DOCK9: variants seen among roughly 807,000 people sequenced by gnomAD.
DOCK9 encodes dedicator of cytokinesis protein 9.
DOCK9 carries 89 observed loss-of-function variants against 263.3 expected under a neutral mutation model. The observed-to-expected ratio is 0.34, with a 90% confidence interval of 0.28 to 0.40. The LOEUF is 0.40. DOCK9 is among the 10% of genes least tolerant of loss of function. DOCK9 has a pLI of 1.00. For missense variants in DOCK9, 2,140 were observed against 2,603.4 expected (o/e 0.82, Z 3.87); for synonymous variants, 976 against 973.1 (o/e 1.00, Z -0.06).
At chr13:99,045,889 G>A (rs1888945780) in intron 1 of DOCK9, among the ~76,000 whole-genome samples, 2 of 150,860 alleles carry the variant, frequency 1.3e-5, no homozygotes, top group African/African-American at 4.9e-5. Flanking sequence ...TCAGGAGATT[G>A]AGACTATTCT....
chr13:98,971,543 TA>T (rs1381940395), intron 1 of DOCK9, among the ~76,000 whole-genome samples: 7 of 83,336 alleles, frequency 8.4e-5, no homozygotes, highest in Non-Finnish European at 1.4e-4. Flanking sequence ...CCATCTCTAC[TA>T]AAAAATACAA....
At chr13:99,075,851 A>T (rs935384843) in intron 1 of DOCK9, among the ~76,000 whole-genome samples, 12 of 152,230 alleles carry the variant, frequency 7.9e-5, no homozygotes, top group East Asian at 7.7e-4. Flanking sequence ...CATGGGCTTA[A>T]TGGAGACCCT....
Position 98,794,579 on chromosome 13 carries a change from T to C in DOCK9, c.*47A>G, listed in dbSNP as rs1232506743. The C allele has an allele frequency of 1.3e-6, 2 of 1,546,836 alleles. No individual in the cohort carries two copies. The highest frequency in any genetic ancestry group is 2.0e-5 in the Admixed American group (1 of 50,690). On this transcript the variant is annotated 3_prime_UTR_variant, in exon 53 of 53. Transcript: ENST00000682017. Reference sequence around the variant, plus strand: ...GATTGGCTTTGGAAAGCATCCTGAGTTTGCAAATGACAAAGCAAGTCCCCA... The same window carrying C: ...GATTGGCTTTGGAAAGCATCCTGAGCTTGCAAATGACAAAGCAAGTCCCCA...
chr13:98,838,788 C>T (rs1432795663), intron 38 of DOCK9, among the ~76,000 whole-genome samples: 3 of 152,182 alleles, frequency 2.0e-5, no homozygotes, highest in South Asian at 4.2e-4. Context: ...AAAATTAAAG[C>T]GACGCCTCAT....
At chr13:98,836,093 G>C (rs2092988850) in intron 39 of DOCK9, among the ~76,000 whole-genome samples, 1 of 152,130 alleles carries the variant, frequency 6.6e-6, no homozygotes, top group Non-Finnish European at 1.5e-5. Flanking sequence ...ACTGCAGGCT[G>C]TTCAGTTGTT....
chr13:99,086,388 C>A, exon 1 of DOCK9: 2 of 1,109,896 alleles, frequency 1.8e-6, no homozygotes, highest in Non-Finnish European at 2.2e-6. Context: ...CGCCTGCTCC[C>A]GCGGCCCGGC....
At chr13:99,065,896 C>T (rs1456511636) in intron 1 of DOCK9, among the ~76,000 whole-genome samples, 1 of 152,190 alleles carries the variant, frequency 6.6e-6, no homozygotes, top group Non-Finnish European at 1.5e-5. Context: ...TTGGACTCAA[C>T]AAATGTGTTC....
chr13:98,880,519 C>T, intron 26 of DOCK9, 28 bp downstream of exon 26: 1 of 1,613,306 alleles, frequency 6.2e-7, no homozygotes, highest in Non-Finnish European at 8.5e-7. Flanking sequence ...CAGTTTCAAT[C>T]AGAGCCACAC....
At chr13:98,910,002 T>G (rs2049753778) in intron 9 of DOCK9, among the ~76,000 whole-genome samples, 1 of 152,228 alleles carries the variant, frequency 6.6e-6, no homozygotes, top group Non-Finnish European at 1.5e-5. Flanking sequence ...ATTCTACTTC[T>G]CTTTCAGAAC....
intron 45 of DOCK9, among the ~76,000 whole-genome samples, chr13:98,813,047 C>A (rs1207750559): frequency 1.3e-5 from 2 of 152,070 alleles, no homozygotes; most frequent in Non-Finnish European, 2.9e-5. Context: ...ATGAACTATA[C>A]AGTAAAACCA....
intron 1 of DOCK9, among the ~76,000 whole-genome samples, chr13:99,073,272 G>C (rs183534186): frequency 6.6e-6 from 1 of 152,160 alleles, no homozygotes; most frequent in African/African-American, 2.4e-5. Context: ...TACAGGCTCA[G>C]AGAGTCAGCT....
At chr13:99,049,374 G>A (rs1202997194) in intron 1 of DOCK9, among the ~76,000 whole-genome samples, 1 of 152,166 alleles carries the variant, frequency 6.6e-6, no homozygotes, top group Admixed American at 6.6e-5. Context: ...GTGTGGCCAT[G>A]GAGTAAGGAC....
At chr13:98,820,602 A>C in intron 45 of DOCK9, 1 of 336,406 alleles carries the variant, frequency 3.0e-6, no homozygotes, top group South Asian at 2.4e-5. Flanking sequence ...TCCCAGGTAC[A>C]TTACTCGTAT....
intron 1 of DOCK9, among the ~76,000 whole-genome samples, chr13:99,046,081 A>G (rs1385280458): frequency 6.7e-6 from 1 of 150,290 alleles, no homozygotes; most frequent in African/African-American, 2.5e-5. Context: ...AGCCTGGGTG[A>G]CAGAGTGAGA....
intron 15 of DOCK9, among the ~76,000 whole-genome samples, chr13:98,893,343 C>T (rs1037425962): frequency 2.0e-5 from 3 of 152,144 alleles, no homozygotes; most frequent in Admixed American, 1.3e-4. Flanking sequence ...TTAAAGAAAA[C>T]GTTCTATTTT....
chr13:98,962,922 G>C (rs537909700), intron 1 of DOCK9, among the ~76,000 whole-genome samples: 1 of 152,216 alleles, frequency 6.6e-6, no homozygotes, highest in Non-Finnish European at 1.5e-5. Context: ...CCTCCCATTA[G>C]GGCAGCTCCA....
At chr13:98,806,001 C>T (rs1405984428) in intron 48 of DOCK9, among the ~76,000 whole-genome samples, 3 of 152,212 alleles carry the variant, frequency 2.0e-5, no homozygotes, top group Non-Finnish European at 2.9e-5. Context: ...CTCAGGTGAT[C>T]CGCCCGCCTT....
upstream of DOCK9, among the ~76,000 whole-genome samples, chr13:98,980,504 A>G (rs1876935228): frequency 6.6e-6 from 1 of 152,260 alleles, no homozygotes; most frequent in Admixed American, 6.5e-5. Context: ...ACCAATCACC[A>G]GTCAGCAATT....
chr13:99,032,055 G>A (rs1332317461), intron 1 of DOCK9, among the ~76,000 whole-genome samples: 2 of 152,178 alleles, frequency 1.3e-5, no homozygotes, highest in African/African-American at 4.8e-5. Context: ...TTCCTGGGGA[G>A]AACTAATGAT....
Sources: gnomAD v4.1 joint callset for allele counts (sites outside exome capture counted in the v4.1 genomes callset) on GRCh38, gnomAD v4.1.1 for gene constraint, MANE v1.5 for transcripts, NCBI Gene and HGNC (gene_info 2026-07-23, HGNC 2026-07-21) for gene names.